The following BIRC6 variants were observed in gnomAD, a reference collection of about 807,000 sequenced individuals.
BIRC6 encodes baculoviral IAP repeat containing 6, also known as dual E2 ubiquitin-conjugating enzyme/E3 ubiquitin-protein ligase BIRC6.
In BIRC6, 98 loss-of-function variants were observed where a neutral mutation model predicts 503.3. The observed-to-expected ratio is 0.19, with a 90% CI of 0.17 to 0.23. BIRC6 has a LOEUF of 0.23. Among genes scored for constraint, BIRC6 ranks in the 10% least tolerant of loss-of-function variants. BIRC6 has a pLI of 1.00. For missense variants in BIRC6, 5,360 were observed against 5,806.0 expected (o/e 0.92, Z 2.50); for synonymous variants, 2,240 against 2,078.7 (o/e 1.08, Z -2.11).
At chr2:32,501,225 G>A (rs1050274383) in intron 46 of BIRC6, among the ~76,000 whole-genome samples, 2 of 152,042 alleles carry the variant, frequency 1.3e-5, no homozygotes, top group African/African-American at 4.8e-5. Context: ...TTGTCAGTGT[G>A]TGAGAAACAG....
chr2:32,366,251 G>C (rs1358878464), intron 1 of BIRC6, among the ~76,000 whole-genome samples: 5 of 152,310 alleles, frequency 3.3e-5, no homozygotes, highest in African/African-American at 1.2e-4. Context: ...TTCTTTCCCT[G>C]CTGGCTTAGC....
chr2:32,460,909 C>T lies in BIRC6; in HGVS notation c.4754-2285C>T, dbSNP rs543291586. ...CTTGACTGTTGGGATTAATAGCTGT[C>T]GATTTGCTGTGGAACACTTGAAGGA... On this transcript the variant is annotated intron_variant, in intron 23 of 73. Transcript: ENST00000421745. Among the ~76,000 whole-genome samples the T allele has an allele frequency of 3.0e-4, 46 of 151,734 alleles. No individual in the cohort carries two copies. In the South Asian group the frequency reaches 8.3e-3, roughly 28 times the overall value.
chr2:32,450,186 CATG>C lies in BIRC6; in HGVS notation c.4618+1261_4618+1263del, dbSNP rs1458314220. Among the ~76,000 whole-genome samples the C allele has an allele frequency of 2.6e-5, 4 of 152,282 alleles. No homozygotes were observed. The South Asian group carries it at 8.3e-4, about 32-fold the overall frequency. On this transcript the variant is annotated intron_variant, in intron 22 of 73. Transcript: ENST00000421745. ...GACTCAGAACAAGGAATTTAGAAATCATGATATGTCGGCCGGGCACGGTGGCTC... is the reference window on the plus strand; with the variant it reads ...GACTCAGAACAAGGAATTTAGAAATCATATGTCGGCCGGGCACGGTGGCTC...
chr2:32,480,151 T>A (rs1418639295), intron 37 of BIRC6, among the ~76,000 whole-genome samples: 1 of 152,206 alleles, frequency 6.6e-6, no homozygotes, highest in Non-Finnish European at 1.5e-5. Flanking sequence ...TGATTTTCTA[T>A]TTTTTACTTG....
intron 21 of BIRC6, among the ~76,000 whole-genome samples, chr2:32,447,716 C>T (rs2046220889): frequency 1.1e-5 from 1 of 91,958 alleles, no homozygotes; most frequent in Non-Finnish European, 2.2e-5. Context: ...ACCCCCCCCA[C>T]CTCCCTCCTG....
intron 64 of BIRC6, among the ~76,000 whole-genome samples, 161 bp downstream of exon 64, chr2:32,548,175 C>G (rs558129249): frequency 6.6e-6 from 1 of 152,142 alleles, no homozygotes; most frequent in South Asian, 2.1e-4. Flanking sequence ...AAAGATTGTT[C>G]TTGCTTACTT....
chr2:32,485,754 C>T lies in BIRC6; in HGVS notation c.7808C>T (p.Pro2603Leu). 1 of 1,587,614 alleles carries T rather than the reference C, an allele frequency of 6.3e-7. No individual in the cohort carries two copies. Among genetic ancestry groups the T allele is most frequent in the Non-Finnish European group, 8.6e-7 (1 of 1,156,454 alleles). ...SILQALTNTS[P>L]TLSQSPTGTD... ...TTACAGGCATTAACAAATACATCTC[C>T]TACATGTAAGTAAAATGACCATTTT... Residue 2603 changes from proline (P) to leucine (L), a missense_variant, in exon 40 of 74, where the codon CCT (proline) becomes CTT (leucine). Transcript: ENST00000421745.
In BIRC6 at chr2:32,524,869, A is replaced by C. The variant is rs527564052; in HGVS notation, c.11624-19A>C. 5 of 1,387,974 alleles carry C rather than the reference A, an allele frequency of 3.6e-6. No individual in the cohort carries two copies. In the African/African-American group the frequency reaches 7.5e-5, roughly 21 times the overall value. 86.0% of individuals were successfully genotyped at this position (1,387,974 alleles called of 1,614,324 possible). On this transcript the variant is annotated intron_variant, in intron 57 of 73. Transcript: ENST00000421745. ...ATGATTTGGAAAAGCAGTGTATTTT[A>C]GATAATATCTTCTTACAGATACTCC...
At chr2:32,379,366 T>C (rs1244596744) in intron 2 of BIRC6, 1 of 152,226 alleles carries the variant, frequency 6.6e-6, no homozygotes, top group Non-Finnish European at 1.5e-5. Flanking sequence ...TATCAAACTA[T>C]GTTTAGGTTT....
intron 53 of BIRC6, among the ~76,000 whole-genome samples, chr2:32,511,201 C>CTTTTTTTTTTTTT: frequency 1.2e-4 from 6 of 48,580 alleles, no homozygotes; most frequent in African/African-American, 2.7e-4. Flanking sequence ...CTTTTCTTTT[C>CTTTTTTTTTTTTT]TTTTTTTTTT....
chr2:32,500,599 T>C (rs1278382636), intron 46 of BIRC6, among the ~76,000 whole-genome samples: 1 of 117,496 alleles, frequency 8.5e-6, no homozygotes, highest in Non-Finnish European at 1.9e-5. Context: ...TTTTTGTTTT[T>C]GTTTTTGTTT....
intron 45 of BIRC6, among the ~76,000 whole-genome samples, chr2:32,496,259 T>C (rs2052457891): frequency 6.6e-6 from 1 of 151,998 alleles, no homozygotes; most frequent in Non-Finnish European, 1.5e-5. Flanking sequence ...ACAACTTTGC[T>C]CTGTCGCCCA....
Position 32,499,729 on chromosome 2 carries a change from A to C in BIRC6, c.8651A>C (p.Asp2884Ala). ...AAAGTAATGTCAAGAAGTGGATCAGATAGCTCCGTGGGTGCTCGAGCATGC... is the reference window on the plus strand; with the variant it reads ...AAAGTAATGTCAAGAAGTGGATCAGCTAGCTCCGTGGGTGCTCGAGCATGC... ...SDKVMSRSGS[D>A]SSVGARACFG... Residue 2884 changes from aspartate to alanine, a missense_variant, in exon 46 of 74, where the codon GAT (aspartate) becomes GCT (alanine). Physicochemically the swap from Asp to Ala is moderately radical, Grantham distance 126. Coordinates refer to ENST00000421745, the MANE Select transcript of BIRC6 (RefSeq NM_016252.4). 1 of 1,614,038 alleles carries C rather than the reference A, an allele frequency of 6.2e-7. No individual in the cohort carries two copies. Among genetic ancestry groups the C allele is most frequent in the Non-Finnish European group, 8.5e-7 (1 of 1,179,888 alleles).
chr2:32,390,127 T>G (rs2039022395), intron 4 of BIRC6, among the ~76,000 whole-genome samples: 1 of 152,114 alleles, frequency 6.6e-6, no homozygotes, highest in Admixed American at 6.5e-5. Context: ...CCCAAAGTGC[T>G]GGGATTACAG....
chr2:32,487,775 T>C lies in BIRC6; in HGVS notation c.7942T>C (p.Ser2648Pro), dbSNP rs1228378498. Residue 2648 changes from serine to proline, a missense_variant, in exon 41 of 74, where the codon TCC becomes CCC. Physicochemically the swap from Ser to Pro is moderately conservative, Grantham distance 74. This residue lies in a region of BIRC6 where 2,299 missense variants were observed against 2,267.2 expected (regional missense o/e 1.01). Transcript: ENST00000421745. ...AAATGTTTGTTTCAACAAACTTTTT[T>C]CCATGCTTCAAGTCCATCATGTTCA... ...MLNVCFNKLF[S>P]MLQVHHVQLE... The C allele has an allele frequency of 6.2e-7, 1 of 1,612,638 alleles. No individual in the cohort carries two copies. Among genetic ancestry groups the C allele is most frequent in the Non-Finnish European group, 8.5e-7 (1 of 1,178,860 alleles).
rs368242330 is a variant in BIRC6 at position 32,618,019 on chromosome 2, A to G, written c.*115A>G. On this transcript the variant is annotated 3_prime_UTR_variant, in exon 74 of 74. Transcript: ENST00000421745. ...TAGGTAATGAAACTGAAACTATACTATGCCCTTAAGGAGATCCAGTTTAAT... is the reference window on the plus strand; with the variant it reads ...TAGGTAATGAAACTGAAACTATACTGTGCCCTTAAGGAGATCCAGTTTAAT... 24 of 1,060,868 alleles carry G rather than the reference A, an allele frequency of 2.3e-5. No homozygotes were observed. The highest frequency in any genetic ancestry group is 1.4e-4 in the African/African-American group (9 of 62,758). 65.7% of individuals were successfully genotyped at this position (1,060,868 alleles called of 1,614,324 possible). A position where few individuals can be genotyped will look rare whatever the true frequency, so the allele number is the denominator to read the frequency against.
intron 51 of BIRC6, 184 bp from the exon 52 acceptor site, chr2:32,509,554 T>C (rs971441536): frequency 1.5e-6 from 1 of 673,402 alleles, no homozygotes; most frequent in Non-Finnish European, 2.4e-6. Context: ...TGCCTGGCCA[T>C]GATTTATCTT....
At chr2:32,442,877 C>T (rs2148343259) in intron 19 of BIRC6, among the ~76,000 whole-genome samples, 1 of 152,212 alleles carries the variant, frequency 6.6e-6, no homozygotes, top group Admixed American at 6.5e-5. Flanking sequence ...GAACAGTCTG[C>T]CCTGATCCCC....
chr2:32,560,886 C>T (rs1473471007), intron 65 of BIRC6, among the ~76,000 whole-genome samples: 1 of 151,286 alleles, frequency 6.6e-6, no homozygotes, highest in Non-Finnish European at 1.5e-5. Flanking sequence ...TTTTATGCAA[C>T]ATCTCGTGCT....
Sources: allele counts gnomAD v4.1 joint callset (sites outside exome capture counted in the v4.1 genomes callset), GRCh38; gene constraint gnomAD v4.1.1; regional missense constraint gnomAD v4.1.1; transcripts MANE v1.5; gene names NCBI Gene and HGNC (gene_info 2026-07-23, HGNC 2026-07-21).